Variants in SORL1 observed in about 807,000 individuals in gnomAD.
SORL1 encodes the protein sortilin-related receptor.
Under a neutral mutation model 273.7 loss-of-function variants are expected in SORL1, and 127 were observed. The ratio of observed to expected loss-of-function variants is 0.46; its 90% CI spans 0.40 to 0.54. The LOEUF (loss-of-function observed/expected upper bound fraction) is 0.54. SORL1 is among the 20% of genes least tolerant of loss of function. The pLI is 0.00. For synonymous variants in SORL1, 1,031 were observed against 1,067.4 expected, an observed-to-expected ratio of 0.97 and a Z score of 0.66; for missense variants, 2,494 against 2,846.1, an observed-to-expected ratio of 0.88 and a Z score of 2.81.
chr11:121,604,144 T>A, intron 32 of SORL1, 49 bp from the exon 33 acceptor site: 1 of 1,606,012 alleles, frequency 6.2e-7, no homozygotes, highest in Non-Finnish European at 8.5e-7. Context: ...CAGCCTTTAG[T>A]ACCATACGGC....
chr11:121,590,965 A>G, intron 30 of SORL1, 36 bp from the exon 31 acceptor site: 1 of 1,613,524 alleles, frequency 6.2e-7, no homozygotes, highest in Non-Finnish European at 8.5e-7. Context: ...AGCTGCTTCT[A>G]ATGTTTTGGG....
At chr11:121,591,259 G>C in intron 31 of SORL1, 103 bp downstream of exon 31, 1 of 1,222,314 alleles carries the variant, frequency 8.2e-7, no homozygotes, top group Non-Finnish European at 1.2e-6. Context: ...ATGCCCTGCT[G>C]TCTGGGACTC....
At chr11:121,535,912 G>A (rs1019434557) in intron 12 of SORL1, among the ~76,000 whole-genome samples, 1 of 152,102 alleles carries the variant, frequency 6.6e-6, no homozygotes, top group Non-Finnish European at 1.5e-5. Context: ...CCACTTATTC[G>A]TTCATTCAGC....
At chr11:121,519,098 C>A (rs1366669832) in intron 8 of SORL1, among the ~76,000 whole-genome samples, 1 of 151,776 alleles carries the variant, frequency 6.6e-6, no homozygotes, top group African/African-American at 2.4e-5. Context: ...CAGGCACGTG[C>A]CACCATGCCC....
At position 121,566,988 on chromosome 11, in the gene SORL1, A is replaced by C. The variant is rs1862763492; in HGVS notation, c.3098A>C (p.Lys1033Thr). 6.2e-7 allele frequency: 1 copy of C among 1,614,106 alleles called. No homozygotes were observed. The change falls in exon 22 of 48, where the codon AAG becomes ACG. Residue 1033 changes from lysine to threonine, a missense_variant. Physicochemically the swap from Lys to Thr is moderately conservative, Grantham distance 78. Around this residue, in one of 3 missense-constraint regions of SORL1, gnomAD observed 1,609 missense variants for 1,816.4 expected, o/e 0.89. Transcript: ENST00000260197. ...PRPCSLLCLP[K>T]ANNSRSCRCP... ...CCATGCAGCCTGCTGTGCCTGCCCA[A>C]GGCCAACAACAGTAGAAGCTGCAGG... is the stretch of plus-strand genomic sequence containing the variant.
At chr11:121,544,294 C>T (rs1862391515) in intron 13 of SORL1, among the ~76,000 whole-genome samples, 1 of 152,106 alleles carries the variant, frequency 6.6e-6, no homozygotes, top group African/African-American at 2.4e-5. Context: ...TCATTTCCAC[C>T]CGTTCAGCCT....
chr11:121,622,478 T>G (rs1432414250), intron 45 of SORL1, among the ~76,000 whole-genome samples: 1 of 152,232 alleles, frequency 6.6e-6, no homozygotes, highest in Non-Finnish European at 1.5e-5. Flanking sequence ...AAGATGAGAA[T>G]CTCTGCACTA....
Position 121,570,196 on chromosome 11 carries a change from G to A in SORL1, c.3263G>A (p.Gly1088Glu), listed in dbSNP as rs753319585. The change falls in exon 23 of 48, where the codon GGG becomes GAG. Residue 1088 changes from glycine to glutamate, a missense_variant. Transcript: ENST00000260197. ...CGCAACCAGTATCGCTGCAGCAACG[G>A]GAACTGTATCAACAGCATTTGGTGG... ...CLRNQYRCSN[G>E]NCINSIWWCD... The A allele has an allele frequency of 6.2e-7, 1 of 1,613,952 alleles. No homozygotes were observed. The highest frequency in any genetic ancestry group is 2.2e-5 in the East Asian group (1 of 44,868).
chr11:121,496,890 A>G lies in SORL1; in HGVS notation c.780A>G (p.Lys260=). ...SFSWGIDPYD[K]PNTIYIERHE... is the part of the protein sequence containing the mutation. ...CCAGGGGAATTGATCCCTATGACAA[A>G]CCAAATACCATCTACATTGAACGAC... Residue 260 remains lysine (K), a synonymous_variant, in exon 6 of 48, where the codon AAA becomes AAG. Coordinates refer to ENST00000260197, the MANE Select transcript of SORL1 (RefSeq NM_003105.6). The G allele has an allele frequency of 6.2e-7, 1 of 1,612,698 alleles. No individual in the cohort carries two copies. Among genetic ancestry groups the G allele is most frequent in the East Asian group, 2.2e-5 (1 of 44,856 alleles).
chr11:121,620,024 CT>C (rs938914217), intron 43 of SORL1, 107 bp downstream of exon 43: 11 of 881,416 alleles, frequency 1.2e-5, no homozygotes, highest in Non-Finnish European at 1.6e-5. Context: ...GGCCTGGTTT[CT>C]GGCGCTCAGC....
chr11:121,588,187 C>A (rs752459603), intron 28 of SORL1, 36 bp downstream of exon 28: 108 of 1,608,818 alleles, frequency 6.7e-5, no homozygotes, highest in Non-Finnish European at 8.8e-5. Context: ...GACTCACGGT[C>A]ACTAAAGAAC....
chr11:121,595,516 C>A lies in SORL1; in HGVS notation c.4370-107C>A. 1 of 1,008,422 alleles carries A rather than the reference C, an allele frequency of 9.9e-7. No homozygotes were observed. Among genetic ancestry groups the A allele is most frequent in the Non-Finnish European group, 1.5e-6 (1 of 676,546 alleles). 62.5% of individuals were successfully genotyped at this position (1,008,422 alleles called of 1,614,324 possible). On this transcript the variant is annotated intron_variant, in intron 31 of 47. Coordinates refer to ENST00000260197, the MANE Select transcript of SORL1 (RefSeq NM_003105.6). The surrounding 1 kb of genome is among the most constrained non-coding windows in gnomAD (Gnocchi z 5.1). ...GAACTCGCATTTGTCTTCAGGTTCC[C>A]ATTGTAATTTCTAAAGCACCGTAAT...
At chr11:121,581,782 A>T (rs1452329228) in intron 25 of SORL1, among the ~76,000 whole-genome samples, 1 of 152,240 alleles carries the variant, frequency 6.6e-6, no homozygotes, top group Non-Finnish European at 1.5e-5. Context: ...TAGCACTCTG[A>T]AATGGTTTTC....
intron 12 of SORL1, among the ~76,000 whole-genome samples, chr11:121,534,298 GT>G (rs1591315351): frequency 6.6e-6 from 1 of 152,192 alleles, no homozygotes; most frequent in African/African-American, 2.4e-5. Flanking sequence ...AGGAGTTAGT[GT>G]GATTCTAGTC....
chr11:121,593,541 C>T (rs879222028), intron 31 of SORL1, among the ~76,000 whole-genome samples: 1 of 152,084 alleles, frequency 6.6e-6, no homozygotes. Context: ...TTCACTGCCT[C>T]CTTGGAATTC....
chr11:121,591,444 A>G (rs1445272069), intron 31 of SORL1, among the ~76,000 whole-genome samples: 1 of 152,224 alleles, frequency 6.6e-6, no homozygotes, highest in Non-Finnish European at 1.5e-5. Context: ...CACCCAGGCT[A>G]TGGTTATGCC....
At chr11:121,614,064 C>A (rs1180967122) in intron 40 of SORL1, among the ~76,000 whole-genome samples, 1 of 152,230 alleles carries the variant, frequency 6.6e-6, no homozygotes, top group East Asian at 1.9e-4. Context: ...CCTTAAACCC[C>A]AGTCCTTCTG....
At chr11:121,489,950 C>A in intron 4 of SORL1, 93 bp from the exon 5 acceptor site, 1 of 913,688 alleles carries the variant, frequency 1.1e-6, no homozygotes, top group South Asian at 1.3e-5. Flanking sequence ...GACAGCGTGT[C>A]ATGGAAGGTG....
At chr11:121,556,964 G>A (rs1359639889) in intron 18 of SORL1, 3 of 237,256 alleles carry the variant, frequency 1.3e-5, no homozygotes, top group Admixed American at 5.1e-5. Flanking sequence ...GCCTTGGAAC[G>A]TGGAGTGACA....
Sources: gnomAD v4.1 joint callset for allele counts (sites outside exome capture counted in the v4.1 genomes callset) on GRCh38, gnomAD v4.1.1 for gene constraint, gnomAD v4.1.1 regional missense constraint, Gnocchi (gnomAD v3.1) non-coding constraint, MANE v1.5 for transcripts, NCBI Gene and HGNC (gene_info 2026-07-23, HGNC 2026-07-21) for gene names.